The following GPR155 variants were observed in gnomAD, a reference collection of about 807,000 sequenced individuals.
GPR155 encodes lysosomal cholesterol signaling protein.
Under a neutral mutation model 93.1 loss-of-function variants are expected in GPR155, and 65 were observed. The observed-to-expected ratio is 0.70, with a 90% confidence interval of 0.57 to 0.86. The LOEUF (loss-of-function observed/expected upper bound fraction) is 0.86, where lower values mean the gene tolerates loss of function less well. Ranked by LOEUF, GPR155 falls within the 40% of genes least tolerant of loss-of-function variation. GPR155 has a pLI of 0.00. For missense variants in GPR155, 838 were observed against 1,034.8 expected (o/e 0.81, Z 2.61); for synonymous variants, 319 against 360.1 (o/e 0.89, Z 1.29).
At chr2:174,458,414 C>T (rs1429346327) in intron 10 of GPR155, among the ~76,000 whole-genome samples, 1 of 152,172 alleles carries the variant, frequency 6.6e-6, no homozygotes. Flanking sequence ...TCATTATCTT[C>T]CCCTACATAT....
rs529041812 is a variant in GPR155 at position 174,459,476 on chromosome 2, T to C, written c.1771+402A>G. On this transcript the variant is annotated intron_variant, in intron 10 of 15. Coordinates refer to ENST00000392552, the MANE Select transcript of GPR155 (RefSeq NM_152529.7). ...AAATTCTTCATTTGACAAGCACTCA[T>C]GATATTCAAACTAGTTCAAGGAAGT... Among the ~76,000 whole-genome samples the C allele has an allele frequency of 1.9e-4, 29 of 152,354 alleles. No homozygotes were observed. The South Asian group carries it at 6.0e-3, about 32-fold the overall frequency.
At chr2:174,445,862 T>C (rs975419471) in intron 12 of GPR155, among the ~76,000 whole-genome samples, 8 of 152,042 alleles carry the variant, frequency 5.3e-5, no homozygotes, top group Non-Finnish European at 7.4e-5. Context: ...AAAGTTTATC[T>C]GAGGAATATG....
chr2:174,480,731 T>C (rs1038039252), intron 2 of GPR155, among the ~76,000 whole-genome samples: 3 of 152,032 alleles, frequency 2.0e-5, no homozygotes, highest in African/African-American at 7.2e-5. Flanking sequence ...TAACTGCAAC[T>C]AAAATACATT....
intron 3 of GPR155, 61 bp downstream of exon 3, chr2:174,472,904 T>C (rs1228199690): frequency 7.4e-7 from 1 of 1,342,950 alleles, no homozygotes; most frequent in African/African-American, 1.5e-5. Flanking sequence ...ATACCCCTGA[T>C]GAATTGGCTA....
At position 174,472,947 on chromosome 2, in the gene GPR155, T is replaced by A; in HGVS notation, c.860+18A>T. 1 of 1,568,692 alleles carries A rather than the reference T, an allele frequency of 6.4e-7. No individual in the cohort carries two copies. Reference sequence around the variant, plus strand: ...CTTTCAAAAAGTACAATTCTCAAGTTAAATAAGTGATGCTTACAGTTTAGC... The same window carrying A: ...CTTTCAAAAAGTACAATTCTCAAGTAAAATAAGTGATGCTTACAGTTTAGC... On this transcript the variant is annotated intron_variant, in intron 3 of 15. Transcript: ENST00000392552.
At chr2:174,442,204 A>T (rs369469010) in intron 13 of GPR155, 21 bp from the exon 14 acceptor site, 1 of 1,207,546 alleles carries the variant, frequency 8.3e-7, no homozygotes, top group South Asian at 1.2e-5. Flanking sequence ...AAACAAAGTT[A>T]TTTTTTTCAG....
At chr2:174,440,137 AT>A in intron 14 of GPR155, 102 bp from the exon 15 acceptor site, 1 of 888,906 alleles carries the variant, frequency 1.1e-6, no homozygotes, top group Non-Finnish European at 1.7e-6. Flanking sequence ...AAAGCTGTCG[AT>A]CACCAAAGCT....
At chr2:174,437,378 G>T (rs1212590578) in intron 15 of GPR155, among the ~76,000 whole-genome samples, 1 of 151,496 alleles carries the variant, frequency 6.6e-6, no homozygotes. Context: ...ATAAGAATTA[G>T]AAAAAAAGGT....
At chr2:174,453,668 G>GA (rs10687822) in intron 11 of GPR155, 69 bp downstream of exon 11, 27,169 of 507,428 alleles carry the variant, frequency 0.054, 1,429 homozygotes, top group African/African-American at 0.27. Flanking sequence ...TCAAAAAAAA[G>GA]AAAAAAAAAA....
At chr2:174,443,094 G>C (rs1441206352) in intron 13 of GPR155, among the ~76,000 whole-genome samples, 1 of 152,130 alleles carries the variant, frequency 6.6e-6, no homozygotes, top group African/African-American at 2.4e-5. Flanking sequence ...GTCAGACTAT[G>C]ATTTTTCAAC....
rs577405221 is a variant in GPR155 at position 174,447,190 on chromosome 2, A to T, written c.1877-443T>A. 1.6e-4 allele frequency among the ~76,000 whole-genome samples: 25 copies of T among 151,668 alleles called. No homozygotes were observed. The East Asian group carries it at 4.8e-3, about 29-fold the overall frequency. On this transcript the variant is annotated intron_variant, in intron 11 of 15. Coordinates refer to ENST00000392552, the MANE Select transcript of GPR155 (RefSeq NM_152529.7). ...CATCCCTACTAAAAATACACAAATT[A>T]ACTGGGTGTGGTGGCGGGCACCCGT... is the stretch of plus-strand genomic sequence containing the variant.
rs754659161 is a variant in GPR155, at chr2:174,461,423, G to A, written c.1539C>T (p.Ala513=). The change falls in exon 9 of 16, where the codon GCC becomes GCT. Residue 513 remains alanine (A), a synonymous_variant. Coordinates refer to ENST00000392552, the MANE Select transcript of GPR155 (RefSeq NM_152529.7). ...CCACCTGTTCTTTTCCATAAAAGAA[G>A]GCTGAGTCAATGCTATCTCCATTGT... ...GKHNGDSIDS[A]FFYGKEQMIT... is the part of the protein sequence containing the mutation. 1.4e-5 allele frequency: 22 copies of A among 1,612,258 alleles called. No individual in the cohort carries two copies. The highest frequency in any genetic ancestry group is 1.9e-5 in the Non-Finnish European group (22 of 1,178,556).
At chr2:174,455,445 T>A (rs1687488826) in intron 10 of GPR155, among the ~76,000 whole-genome samples, 1 of 152,214 alleles carries the variant, frequency 6.6e-6, no homozygotes, top group Non-Finnish European at 1.5e-5. Context: ...TCACGGGCAC[T>A]GCAAGGCCCT....
intron 6 of GPR155, 35 bp from the exon 7 acceptor site, chr2:174,465,937 G>C (rs1399481807): frequency 1.0e-5 from 10 of 995,432 alleles, no homozygotes; most frequent in Non-Finnish European, 1.6e-5. Flanking sequence ...TTTGTAAATA[G>C]CTAAGAAAAC....
At position 174,453,758 on chromosome 2, in the gene GPR155, C is replaced by G; in HGVS notation, c.1855G>C (p.Val619Leu). The G allele has an allele frequency of 1.2e-6, 2 of 1,607,320 alleles. No individual in the cohort carries two copies. Among genetic ancestry groups the G allele is most frequent in the Non-Finnish European group, 1.7e-6 (2 of 1,174,778 alleles). The change falls in exon 11 of 16, where the codon GTG (valine) becomes CTG (leucine). Residue 619 changes from valine (V) to leucine (L), a missense_variant. Transcript: ENST00000392552. ...TTACTTTTCTCAAACGAAGGAATCA[C>G]AGGCTCACTGGTGCTTGTGTTTGCT... Reference protein sequence around the residue: ...PIANTSTSEPVIPSFEKNNHC... With the variant: ...PIANTSTSEPLIPSFEKNNHC...
At position 174,434,812 on chromosome 2, in the gene GPR155, A is replaced by C; in HGVS notation, c.*1304T>G. ...CTTTTTCTTTTTTTTTTTTTTTAGT[A>C]CAGACCGGGTTTCACCACGTTGCCC... On this transcript the variant is annotated 3_prime_UTR_variant, in exon 16 of 16. Coordinates refer to ENST00000392552, the MANE Select transcript of GPR155 (RefSeq NM_152529.7). 6.9e-6 allele frequency: 1 copy of C among 145,304 alleles called. No individual in the cohort carries two copies. Among genetic ancestry groups the C allele is most frequent in the Non-Finnish European group, 1.5e-5 (1 of 66,810 alleles). 9.0% of individuals were successfully genotyped at this position (145,304 alleles called of 1,614,324 possible). A position where few individuals can be genotyped will look rare whatever the true frequency, so the allele number is the denominator to read the frequency against.
At chr2:174,468,106 CT>C (rs1687893440) in intron 5 of GPR155, among the ~76,000 whole-genome samples, 1 of 152,096 alleles carries the variant, frequency 6.6e-6, no homozygotes. Context: ...ATCCTGGCGA[CT>C]TCCTTCTTTC....
chr2:174,459,103 A>G (rs375030788), intron 10 of GPR155, among the ~76,000 whole-genome samples: 10 of 152,040 alleles, frequency 6.6e-5, no homozygotes, highest in East Asian at 5.8e-4. Flanking sequence ...AAATAAACAA[A>G]CAAAGAAAAA....
intron 14 of GPR155, among the ~76,000 whole-genome samples, chr2:174,441,642 C>T (rs554368737): frequency 6.6e-6 from 1 of 152,100 alleles, no homozygotes; most frequent in South Asian, 2.1e-4. Flanking sequence ...TCCAAGTGTT[C>T]TCATTGTTCA....
Sources: gnomAD v4.1 joint callset for allele counts (sites outside exome capture counted in the v4.1 genomes callset) on GRCh38, gnomAD v4.1.1 for gene constraint, MANE v1.5 for transcripts, NCBI Gene and HGNC (gene_info 2026-07-23, HGNC 2026-07-21) for gene names.